Variants in STK24 observed in about 807,000 individuals in gnomAD.
The protein encoded by STK24 is serine/threonine kinase 24, also known as serine/threonine-protein kinase 24.
A neutral mutation model predicts 55.6 loss-of-function variants in STK24; 21 were observed. The observed-to-expected ratio is 0.38, with a 90% CI of 0.27 to 0.54. The LOEUF (loss-of-function observed/expected upper bound fraction) is 0.54. STK24 is among the 20% of genes least tolerant of loss of function. STK24 has a pLI of 0.79. For synonymous variants in STK24, 200 were observed against 215.2 expected (o/e 0.93, Z 0.62); for missense variants, 383 against 538.4 (o/e 0.71, Z 2.86).
rs200667122 is a variant in STK24, at chr13:98,521,879, G to A, written c.43-2406C>T. 6.1e-5 allele frequency: 52 copies of A among 858,350 alleles called. 1 individual carries two copies. Among genetic ancestry groups the A allele is most frequent in the African/African-American group, 4.3e-4 (26 of 60,712 alleles). The allele number at this position is 858,350 out of a possible 1,614,324, so 53.2% of individuals were successfully genotyped here. On this transcript the variant is annotated intron_variant, in intron 1 of 10. Coordinates refer to ENST00000539966, the MANE Select transcript of STK24 (RefSeq NM_001032296.4). ...CTTCTCTCCTCCAGGATAAGGCTTC[G>A]TCAGTAACCCCCTTCTCGCTCCTTC...
At chr13:98,490,841 A>C (rs983430575) in intron 2 of STK24, among the ~76,000 whole-genome samples, 9 of 149,762 alleles carry the variant, frequency 6.0e-5, no homozygotes, top group African/African-American at 1.5e-4. Flanking sequence ...AAAAAAAAAA[A>C]AAAAACAGAA....
At chr13:98,465,105 C>T (rs1490252940) in intron 6 of STK24, among the ~76,000 whole-genome samples, 1 of 152,218 alleles carries the variant, frequency 6.6e-6, no homozygotes, top group African/African-American at 2.4e-5. Context: ...AGGGAATGTG[C>T]TTCCCAAGGA....
chr13:98,493,824 T>G (rs1327597530), intron 2 of STK24, among the ~76,000 whole-genome samples: 1 of 151,290 alleles, frequency 6.6e-6, no homozygotes, highest in Non-Finnish European at 1.5e-5. Context: ...CTTAACGGTA[T>G]TCTGCAAAAA....
chr13:98,461,478 C>T (rs1018578243), intron 8 of STK24, among the ~76,000 whole-genome samples: 4 of 152,228 alleles, frequency 2.6e-5, no homozygotes, highest in African/African-American at 9.7e-5. Context: ...AGTCATTTCA[C>T]GGGTCACCCC....
At chr13:98,541,680 T>C (rs1381736973) in intron 1 of STK24, among the ~76,000 whole-genome samples, 2 of 152,228 alleles carry the variant, frequency 1.3e-5, no homozygotes, top group South Asian at 2.1e-4. Context: ...TCTTCAAAGA[T>C]AAGGAAACCA....
rs1360804188 is a variant in STK24 at position 98,463,605 on chromosome 13, C to G, written c.929+86G>C. Reference sequence around the variant, plus strand: ...TGTCTAAAAAAAAAAAAAAACTCAACAGAAAACGAAACCCACACCAAACAG... The same window carrying G: ...TGTCTAAAAAAAAAAAAAAACTCAAGAGAAAACGAAACCCACACCAAACAG... On this transcript the variant is annotated intron_variant, in intron 7 of 10. Transcript: ENST00000539966. 30 of 1,441,274 alleles carry G rather than the reference C, an allele frequency of 2.1e-5. No homozygotes were observed. The East Asian group carries it at 7.0e-4, about 34-fold the overall frequency. The allele number at this position is 1,441,274 out of a possible 1,614,324, so 89.3% of individuals were successfully genotyped here.
chr13:98,554,490 A>T (rs1897237469), intron 1 of STK24, among the ~76,000 whole-genome samples: 1 of 152,172 alleles, frequency 6.6e-6, no homozygotes. Flanking sequence ...ACTAAAAGCA[A>T]ATCACCTAGA....
At chr13:98,549,383 C>G (rs555524153) in intron 1 of STK24, among the ~76,000 whole-genome samples, 4 of 152,194 alleles carry the variant, frequency 2.6e-5, no homozygotes. Context: ...GAAGCTCCCT[C>G]GGACCTCTTT....
At chr13:98,472,219 G>C (rs1894179438) in intron 5 of STK24, among the ~76,000 whole-genome samples, 1 of 152,224 alleles carries the variant, frequency 6.6e-6, no homozygotes, top group South Asian at 2.1e-4. Context: ...TGAGAACTTT[G>C]AGACGCAGAC....
Position 98,446,036 on chromosome 13 carries a change from C to G in STK24, c.*7137G>C, listed in dbSNP as rs1262228122. Reference sequence around the variant, plus strand: ...CAGGGCCCTGGTGCAGGGAGAGCTGCTCTCTGTGCCCTCCTGGGGCAGGTG... The same window carrying G: ...CAGGGCCCTGGTGCAGGGAGAGCTGGTCTCTGTGCCCTCCTGGGGCAGGTG... On this transcript the variant is annotated 3_prime_UTR_variant, in exon 11 of 11. Transcript: ENST00000539966. 13 of 1,136,992 alleles carry G rather than the reference C, an allele frequency of 1.1e-5. No homozygotes were observed. The African/African-American group carries it at 1.5e-4, about 13-fold the overall frequency. The allele number at this position is 1,136,992 out of a possible 1,614,324, so 70.4% of individuals were successfully genotyped here. A position where few individuals can be genotyped will look rare whatever the true frequency, so the allele number is the denominator to read the frequency against.
In STK24 at chr13:98,446,187, C is replaced by G. The variant is rs752812700; in HGVS notation, c.*6986G>C. 6.2e-7 allele frequency: 1 copy of G among 1,612,616 alleles called. No individual in the cohort carries two copies. Among genetic ancestry groups the G allele is most frequent in the South Asian group, 1.1e-5 (1 of 90,976 alleles). On this transcript the variant is annotated 3_prime_UTR_variant, in exon 11 of 11. Coordinates refer to ENST00000539966, the MANE Select transcript of STK24 (RefSeq NM_001032296.4). ...TGGTGTTCACAAACTTCTGCCTGTT[C>G]TTCTACAAATCACACCAGGTAAGTG...
At chr13:98,494,095 G>A (rs1174916119) in intron 2 of STK24, among the ~76,000 whole-genome samples, 1 of 147,028 alleles carries the variant, frequency 6.8e-6, no homozygotes, top group Non-Finnish European at 1.5e-5. Context: ...GCCCGCCTCG[G>A]CCTCCCAAAG....
chr13:98,448,712 TGCA>T lies in STK24; in HGVS notation c.*4458_*4460del, dbSNP rs1219029800. On this transcript the variant is annotated 3_prime_UTR_variant, in exon 11 of 11. Transcript: ENST00000539966. ...TTTATTATTTTCACCTATTGGCTGC[TGCA>T]TTTTACGAAGTGGACTTCCCGGTGT... The T allele has an allele frequency of 1.2e-5, 2 of 163,018 alleles. No homozygotes were observed. Among genetic ancestry groups the T allele is most frequent in the African/African-American group, 4.9e-5 (2 of 40,834 alleles). The allele number at this position is 163,018 out of a possible 1,614,324, so 10.1% of individuals were successfully genotyped here.
intron 7 of STK24, among the ~76,000 whole-genome samples, chr13:98,463,078 T>G (rs1025162386): frequency 1.3e-5 from 2 of 152,150 alleles, no homozygotes; most frequent in African/African-American, 4.8e-5. Flanking sequence ...GCCTGGCACA[T>G]GGACCTGCAC....
intron 1 of STK24, among the ~76,000 whole-genome samples, chr13:98,563,106 G>A (rs1309281690): frequency 6.6e-6 from 1 of 152,058 alleles, no homozygotes; most frequent in Admixed American, 6.6e-5. Context: ...GAAGGAACCA[G>A]GGATGCCACT....
intron 1 of STK24, among the ~76,000 whole-genome samples, chr13:98,568,703 C>T (rs1393347682): frequency 1.3e-5 from 2 of 151,872 alleles, no homozygotes; most frequent in Non-Finnish European, 2.9e-5. Flanking sequence ...CTCATCTCTA[C>T]TAAAAAATAC....
intron 1 of STK24, among the ~76,000 whole-genome samples, chr13:98,568,740 C>T (rs1897655081): frequency 6.6e-6 from 1 of 151,922 alleles, no homozygotes; most frequent in Admixed American, 6.6e-5. Flanking sequence ...TGGTGGTGGG[C>T]GCCTGTAATC....
rs115549501 is a variant in STK24, at chr13:98,474,740, A to G, written c.597+81T>C. The G allele has an allele frequency of 5.4e-4, 808 of 1,507,710 alleles. 1 individual carries two copies. In the African/African-American group the frequency reaches 0.01, roughly 19 times the overall value. 93.4% of individuals were successfully genotyped at this position (1,507,710 alleles called of 1,614,324 possible). On this transcript the variant is annotated intron_variant, in intron 5 of 10. Transcript: ENST00000539966. ...AGGTACCAGCTTCGTTCCAACTTAG[A>G]AAAGCTACCAGGCTAAAGAACAAAA... is the stretch of plus-strand genomic sequence containing the variant.
intron 1 of STK24, among the ~76,000 whole-genome samples, chr13:98,559,835 A>T (rs28647639): frequency 6.6e-6 from 1 of 151,288 alleles, no homozygotes; most frequent in Non-Finnish European, 1.5e-5. Flanking sequence ...CTCATATCTC[A>T]TATCACTGAA....
Sources: allele counts gnomAD v4.1 joint callset (sites outside exome capture counted in the v4.1 genomes callset), GRCh38; gene constraint gnomAD v4.1.1; transcripts MANE v1.5; gene names NCBI Gene and HGNC (gene_info 2026-07-23, HGNC 2026-07-21).